PLB1: variants seen among roughly 807,000 people sequenced by gnomAD.
PLB1 encodes phospholipase B1.
PLB1 carries 242 observed loss-of-function variants against 227.4 expected under a neutral mutation model. The ratio of observed to expected loss-of-function variants is 1.06; its 90% CI spans 0.96 to 1.18. PLB1 has a LOEUF of 1.18. Among genes scored for constraint, PLB1 ranks in the 50% most tolerant of loss-of-function variants. The pLI, the probability that PLB1 is intolerant of heterozygous loss-of-function variation, is 0.00. For missense variants in PLB1, 1,858 were observed against 1,816.3 expected (o/e 1.02, Z -0.42); for synonymous variants, 757 against 682.2 (o/e 1.11, Z -1.71).
chr2:28,609,268 C>A (rs1310645077), intron 43 of PLB1, among the ~76,000 whole-genome samples: 1 of 152,136 alleles, frequency 6.6e-6, no homozygotes, highest in African/African-American at 2.4e-5. Context: ...GAGACTTACC[C>A]ATTTCCAGGA....
rs561883391 is a variant in PLB1, at chr2:28,618,549, G to A, written c.3315+150G>A. The A allele has an allele frequency of 7.8e-6, 6 of 771,650 alleles. No homozygotes were observed. In the African/African-American group the frequency reaches 1.0e-4, roughly 13 times the overall value. The allele number at this position is 771,650 out of a possible 1,614,324, so 47.8% of individuals were successfully genotyped here. On this transcript the variant is annotated intron_variant, in intron 46 of 57. Coordinates refer to ENST00000327757, the MANE Select transcript of PLB1 (RefSeq NM_153021.5). ...ATGTCAGGCACTGAAACACAGCCAG[G>A]AGATGTAGAATGCCCTGTCTCGCCA...
intron 1 of PLB1, among the ~76,000 whole-genome samples, chr2:28,504,813 C>CAT (rs1667475781): frequency 6.6e-6 from 1 of 152,144 alleles, no homozygotes; most frequent in Non-Finnish European, 1.5e-5. Context: ...ATTTTAGTAT[C>CAT]CAAAGTCTTT....
Position 28,626,514 on chromosome 2 carries a change from C to T in PLB1, c.3660+6C>T, listed in dbSNP as rs747953340. 1.1e-5 allele frequency: 18 copies of T among 1,612,542 alleles called. No individual in the cohort carries two copies. In the South Asian group the frequency reaches 1.9e-4, roughly 17 times the overall value. Reference sequence around the variant, plus strand: ...GTCATTACTGTGAGAATCCGGTAGGCCCCCGACCAACCCCATGGGGACCTG... The same window carrying T: ...GTCATTACTGTGAGAATCCGGTAGGTCCCCGACCAACCCCATGGGGACCTG... On this transcript the variant is annotated splice_donor_region_variant and intron_variant, in intron 51 of 57. Transcript: ENST00000327757.
intron 54 of PLB1, among the ~76,000 whole-genome samples, 179 bp from the exon 55 acceptor site, chr2:28,631,857 C>T (rs547939842): frequency 8.5e-5 from 13 of 152,326 alleles, no homozygotes; most frequent in East Asian, 3.9e-4. Flanking sequence ...TTGAAATGTC[C>T]GTGCCCATGA....
At chr2:28,606,454 AC>A (rs1264418081) in intron 42 of PLB1, 41 bp from the exon 43 acceptor site, 1 of 1,580,502 alleles carries the variant, frequency 6.3e-7, no homozygotes, top group Non-Finnish European at 8.7e-7. Flanking sequence ...TTCCATGGAA[AC>A]AAACTACTAC....
chr2:28,548,329 C>G (rs1456901193), intron 14 of PLB1, among the ~76,000 whole-genome samples: 2 of 152,204 alleles, frequency 1.3e-5, no homozygotes, highest in Non-Finnish European at 2.9e-5. Context: ...GCCCTTCCTT[C>G]CCATACTGGC....
chr2:28,497,556 G>A (rs969982517), intron 1 of PLB1, among the ~76,000 whole-genome samples: 1 of 152,120 alleles, frequency 6.6e-6, no homozygotes, highest in Non-Finnish European at 1.5e-5. Context: ...TGAGTTGGAA[G>A]CAGAGCAAAA....
chr2:28,574,336 A>ACCC (rs141787580), intron 21 of PLB1, among the ~76,000 whole-genome samples: 4,727 of 69,646 alleles, frequency 0.068, 152 homozygotes, highest in Non-Finnish European at 0.14. Flanking sequence ...TTAATCCCTC[A>ACCC]CCCCCCCCAC....
chr2:28,501,713 G>T, intron 1 of PLB1, among the ~76,000 whole-genome samples: 1 of 151,426 alleles, frequency 6.6e-6, no homozygotes, highest in African/African-American at 2.4e-5. Context: ...CTTTATTCTT[G>T]CACAAGATAA....
intron 14 of PLB1, among the ~76,000 whole-genome samples, chr2:28,543,989 A>G (rs973262935): frequency 6.6e-6 from 1 of 152,156 alleles, no homozygotes; most frequent in Non-Finnish European, 1.5e-5. Flanking sequence ...TGAATTTGCC[A>G]TTTATTTTCT....
intron 20 of PLB1, among the ~76,000 whole-genome samples, chr2:28,571,149 A>G (rs1677945011): frequency 6.6e-6 from 1 of 152,244 alleles, no homozygotes; most frequent in Admixed American, 6.5e-5. Flanking sequence ...ACAAATCAAT[A>G]TACAAAAATC....
intron 54 of PLB1, among the ~76,000 whole-genome samples, chr2:28,631,346 G>A (rs1340684478): frequency 6.6e-6 from 1 of 151,902 alleles, no homozygotes; most frequent in Non-Finnish European, 1.5e-5. Context: ...CATTCACAAG[G>A]CAAGTCTGCT....
At chr2:28,575,404 A>G (rs980787159) in intron 21 of PLB1, among the ~76,000 whole-genome samples, 25 of 152,102 alleles carry the variant, frequency 1.6e-4, no homozygotes, top group African/African-American at 5.8e-4. Context: ...ACATCACACT[A>G]CCATGTGGTT....
intron 1 of PLB1, among the ~76,000 whole-genome samples, chr2:28,516,205 G>C (rs1668832510): frequency 6.6e-6 from 1 of 152,150 alleles, no homozygotes; most frequent in Non-Finnish European, 1.5e-5. Flanking sequence ...AATAATAAAT[G>C]TTTTTAAAGA....
At chr2:28,543,326 A>C in intron 14 of PLB1, 58 bp downstream of exon 14, 1 of 1,557,810 alleles carries the variant, frequency 6.4e-7, no homozygotes, top group Middle Eastern at 1.8e-4. Flanking sequence ...CTCCACCACC[A>C]CTGAGCCCAC....
At chr2:28,565,239 G>A in intron 18 of PLB1, 41 bp from the exon 19 acceptor site, 2 of 1,571,168 alleles carry the variant, frequency 1.3e-6, no homozygotes, top group Non-Finnish European at 1.7e-6. Flanking sequence ...TGGGCCACTG[G>A]GGAAAGCAGA....
At chr2:28,629,030 T>C in intron 52 of PLB1, 64 bp from the exon 53 acceptor site, 1 of 1,379,660 alleles carries the variant, frequency 7.2e-7, no homozygotes, top group Non-Finnish European at 1.0e-6. Flanking sequence ...GGATTGTAGA[T>C]GACCCCCAGG....
intron 57 of PLB1, among the ~76,000 whole-genome samples, chr2:28,641,878 A>G (rs34649678): frequency 0.34 from 52,250 of 151,800 alleles, 9,212 homozygotes; most frequent in Non-Finnish European, 0.39. Context: ...GGCTGCTTGA[A>G]ATCCTTGCCT....
intron 43 of PLB1, among the ~76,000 whole-genome samples, chr2:28,606,825 G>C (rs1281131553): frequency 6.6e-6 from 1 of 152,154 alleles, no homozygotes; most frequent in Non-Finnish European, 1.5e-5. Flanking sequence ...GAGGATCCCG[G>C]TGAGAAAAGT....
Sources: allele counts gnomAD v4.1 joint callset (sites outside exome capture counted in the v4.1 genomes callset), GRCh38; gene constraint gnomAD v4.1.1; transcripts MANE v1.5; gene names NCBI Gene and HGNC (gene_info 2026-07-23, HGNC 2026-07-21).